Variants in CSMD1 observed in about 807,000 individuals in gnomAD.
CSMD1 encodes the protein CUB and Sushi multiple domains 1.
A neutral mutation model predicts 417.5 loss-of-function variants in CSMD1; 213 were observed. The ratio of observed to expected loss-of-function variants is 0.51; its 90% confidence interval spans 0.46 to 0.57. CSMD1 has a LOEUF of 0.57. Among genes scored for constraint, CSMD1 ranks in the 20% least tolerant of loss-of-function variants. CSMD1 has a pLI of 0.00. For synonymous variants in CSMD1, 2,862 were observed against 1,736.8 expected (o/e 1.65, Z -16.11); for missense variants, 6,923 against 4,529.7 (o/e 1.53, Z -15.17).
chr8:3,665,948 G>A (rs145976042), intron 7 of CSMD1, among the ~76,000 whole-genome samples: 215 of 152,224 alleles, frequency 1.4e-3, no homozygotes, highest in Non-Finnish European at 2.7e-3. Context: ...AGTGGCCTCA[G>A]CTCACTGCAA....
At chr8:3,304,287 C>T (rs1054309013) in intron 25 of CSMD1, among the ~76,000 whole-genome samples, 1 of 152,090 alleles carries the variant, frequency 6.6e-6, no homozygotes, top group African/African-American at 2.4e-5. Flanking sequence ...GTAATACAGA[C>T]TATGTTACCA....
At chr8:3,210,615 T>G (rs1205319270) in intron 30 of CSMD1, among the ~76,000 whole-genome samples, 1 of 148,340 alleles carries the variant, frequency 6.7e-6, no homozygotes, top group Non-Finnish European at 1.5e-5. Context: ...TATAAATATA[T>G]AGACAGGAAT....
At chr8:3,601,266 G>A (rs776921604) in intron 8 of CSMD1, among the ~76,000 whole-genome samples, 1 of 152,166 alleles carries the variant, frequency 6.6e-6, no homozygotes. Flanking sequence ...CCAAGATTTG[G>A]TAGGATTTTT....
intron 3 of CSMD1, among the ~76,000 whole-genome samples, chr8:4,335,922 G>C (rs566615427): frequency 1.3e-4 from 20 of 152,168 alleles, no homozygotes; most frequent in African/African-American, 4.3e-4. Flanking sequence ...AAAATAGTGA[G>C]GGAGCCCCAT....
chr8:3,236,450 G>C (rs896061990), intron 26 of CSMD1, among the ~76,000 whole-genome samples: 1 of 152,168 alleles, frequency 6.6e-6, no homozygotes, highest in Non-Finnish European at 1.5e-5. Flanking sequence ...AGGAGAAAGA[G>C]AACAATTTTA....
intron 1 of CSMD1, among the ~76,000 whole-genome samples, chr8:4,723,004 A>C (rs747223184): frequency 2.0e-5 from 3 of 152,176 alleles, no homozygotes; most frequent in African/African-American, 7.2e-5. Flanking sequence ...TGGCATTACA[A>C]GAGTCTCACT....
chr8:4,682,517 C>T (rs1806115441), intron 1 of CSMD1, among the ~76,000 whole-genome samples: 1 of 151,772 alleles, frequency 6.6e-6, no homozygotes, highest in South Asian at 2.1e-4. Flanking sequence ...GAATGTTTTT[C>T]ATTAGCATCA....
At chr8:3,063,556 A>G (rs977871963) in intron 49 of CSMD1, among the ~76,000 whole-genome samples, 3 of 152,210 alleles carry the variant, frequency 2.0e-5, no homozygotes, top group African/African-American at 7.2e-5. Context: ...ATTATTCACA[A>G]TAGCTAAAAT....
intron 17 of CSMD1, among the ~76,000 whole-genome samples, chr8:3,390,927 TCA>T (rs1811309225): frequency 6.6e-6 from 1 of 151,998 alleles, no homozygotes; most frequent in Non-Finnish European, 1.5e-5. Context: ...GGTTGAAAAG[TCA>T]CAGTTGATAA....
At chr8:3,040,631 C>T (rs1261762022) in intron 50 of CSMD1, among the ~76,000 whole-genome samples, 1 of 151,688 alleles carries the variant, frequency 6.6e-6, no homozygotes, top group African/African-American at 2.4e-5. Context: ...GATGAAACCC[C>T]GTCTCTACTA....
At chr8:3,846,045 G>T (rs7831940) in intron 5 of CSMD1, among the ~76,000 whole-genome samples, 44,671 of 151,634 alleles carry the variant, frequency 0.29, 6,718 homozygotes, top group Non-Finnish European at 0.32. Context: ...GCCTAAGACT[G>T]CTTTACAGTT....
intron 3 of CSMD1, among the ~76,000 whole-genome samples, chr8:4,319,695 G>C (rs149247710): frequency 1.3e-3 from 199 of 152,212 alleles, no homozygotes; most frequent in African/African-American, 4.6e-3. Flanking sequence ...AATCCAAGCA[G>C]AATTTGGCAG....
chr8:3,540,473 C>G (rs1798391067), intron 10 of CSMD1, among the ~76,000 whole-genome samples: 1 of 152,092 alleles, frequency 6.6e-6, no homozygotes, highest in African/African-American at 2.4e-5. Context: ...TAGTCACGGG[C>G]AACGAATTCA....
At chr8:4,315,085 A>G (rs1798845177) in intron 3 of CSMD1, among the ~76,000 whole-genome samples, 1 of 152,100 alleles carries the variant, frequency 6.6e-6, no homozygotes, top group Admixed American at 6.6e-5. Context: ...GGGCATCTCG[A>G]GGGAGGGAAG....
chr8:3,072,428 T>C (rs1563864), intron 49 of CSMD1, among the ~76,000 whole-genome samples: 1 of 151,994 alleles, frequency 6.6e-6, no homozygotes, highest in African/African-American at 2.4e-5. Flanking sequence ...AAACCAGTCA[T>C]AGAATAAATC....
At chr8:3,522,318 G>C (rs987663147) in intron 10 of CSMD1, among the ~76,000 whole-genome samples, 2 of 152,150 alleles carry the variant, frequency 1.3e-5, no homozygotes, top group African/African-American at 4.8e-5. Flanking sequence ...AAGAGGAGAG[G>C]AAATTGTAAA....
At chr8:3,728,210 A>G (rs562235816) in intron 6 of CSMD1, among the ~76,000 whole-genome samples, 2 of 152,042 alleles carry the variant, frequency 1.3e-5, no homozygotes, top group Non-Finnish European at 2.9e-5. Flanking sequence ...GTCTCATGTG[A>G]TCTGATGGTT....
At chr8:4,654,608 T>C (rs1011210816) in intron 1 of CSMD1, among the ~76,000 whole-genome samples, 4 of 152,128 alleles carry the variant, frequency 2.6e-5, no homozygotes, top group African/African-American at 9.7e-5. Flanking sequence ...GAAGTTCATA[T>C]GGCTATAGAT....
At chr8:3,168,607 G>A (rs1448150538) in intron 37 of CSMD1, among the ~76,000 whole-genome samples, 2 of 149,694 alleles carry the variant, frequency 1.3e-5, no homozygotes, top group Non-Finnish European at 2.9e-5. Context: ...ATGTCACAGT[G>A]TGTAAGGAGT....
Sources: gnomAD v4.1 joint callset for allele counts (sites outside exome capture counted in the v4.1 genomes callset) on GRCh38, gnomAD v4.1.1 for gene constraint, MANE v1.5 for transcripts, NCBI Gene and HGNC (gene_info 2026-07-23, HGNC 2026-07-21) for gene names.